The following CCP110 variants were observed in gnomAD, a reference collection of about 807,000 sequenced individuals.
CCP110 encodes centriolar coiled-coil protein 110.
In CCP110, 43 loss-of-function variants were observed where a neutral mutation model predicts 105.5. The observed-to-expected ratio is 0.41, with a 90% CI of 0.32 to 0.53. The LOEUF is 0.53. Among genes scored for constraint, CCP110 ranks in the 20% least tolerant of loss-of-function variants. The pLI is 0.32. For synonymous variants in CCP110, 353 were observed against 392.1 expected, an observed-to-expected ratio of 0.90 and a Z score of 1.18; for missense variants, 1,016 against 1,189.1, an observed-to-expected ratio of 0.85 and a Z score of 2.14.
Position 19,536,847 on chromosome 16 carries a change from C to G in CCP110, c.1178C>G (p.Pro393Arg). 1 of 1,614,020 alleles carries G rather than the reference C, an allele frequency of 6.2e-7. No individual in the cohort carries two copies. ...GCGTGTCATATACTTATAAATAACC[C>G]AATAAATGCCTGTGAATTAAGCCCT... is the stretch of plus-strand genomic sequence containing the variant. Residue 393 changes from proline (P) to arginine (R), a missense_variant, in exon 4 of 15, where the codon CCA (proline) becomes CGA (arginine). Pro to Arg is a moderately radical substitution (Grantham distance 103, BLOSUM62 -2). Coordinates refer to ENST00000381396, the Ensembl canonical transcript of CCP110.
At chr16:19,544,191 T>C (rs2151480200) in intron 8 of CCP110, among the ~76,000 whole-genome samples, 1 of 152,322 alleles carries the variant, frequency 6.6e-6, no homozygotes, top group African/African-American at 2.4e-5. Flanking sequence ...CTGACACTTA[T>C]GAAAAATAGA....
rs138258455 is a variant in CCP110, at chr16:19,536,541, A to G, written c.872A>G (p.Asp291Gly). 2.8e-3 allele frequency: 4,556 copies of G among 1,614,168 alleles called. 23 individuals are homozygous for G. The highest frequency in any genetic ancestry group is 2.6e-3 in the Non-Finnish European group (3,027 of 1,180,024). The change falls in exon 4 of 15, where the codon GAC becomes GGC. Residue 291 changes from aspartate to glycine, a missense_variant. Physicochemically the swap from Asp to Gly is moderately conservative, Grantham distance 94. Coordinates refer to ENST00000381396, the Ensembl canonical transcript of CCP110. ...AAACACTGTGTCTCAGTTATTCCTG[A>G]CAAACCAAGCCTTAATAAATCAAAT...
chr16:19,551,065 T>C (rs1008281139), intron 14 of CCP110, 131 bp from the exon 14 acceptor site: 2 of 653,820 alleles, frequency 3.1e-6, no homozygotes, highest in Non-Finnish European at 2.8e-6. Flanking sequence ...TCAGGATGAT[T>C]CATATAAGGA....
chr16:19,543,903 C>G (rs932479579), intron 8 of CCP110, among the ~76,000 whole-genome samples: 5 of 151,402 alleles, frequency 3.3e-5, no homozygotes, highest in Admixed American at 6.6e-5. Flanking sequence ...AATACGTGCA[C>G]AGCTGAACAT....
At chr16:19,536,830 T>C (rs179050) in exon 4 of CCP110, 145,785 of 1,614,030 alleles carry the variant, frequency 0.09, 7,342 homozygotes, top group African/African-American at 0.16. Flanking sequence ...CAGCGTGTCA[T>C]ATACTTATAA....
intron 3 of CCP110, among the ~76,000 whole-genome samples, chr16:19,535,180 AGT>A (rs2151468441): frequency 6.6e-6 from 1 of 152,260 alleles, no homozygotes; most frequent in South Asian, 2.1e-4. Context: ...ATGCCCCGCC[AGT>A]AGTCAGGCTT....
chr16:19,548,638 A>G lies in CCP110; in HGVS notation c.2986+38A>G. ...TAAATTCCTGAAGCCCATTCAATAG[A>G]AGGAAGTGCACAAGCTGCCCCATAA... On this transcript the variant is annotated intron_variant, in intron 14 of 14. Transcript: ENST00000381396. This position sits in a 1 kb window ranked among gnomAD's most constrained non-coding sequence, Gnocchi z 4.1. The G allele has an allele frequency of 7.9e-7, 1 of 1,271,228 alleles. No homozygotes were observed. The highest frequency in any genetic ancestry group is 1.1e-6 in the Non-Finnish European group (1 of 900,550). The allele number at this position is 1,271,228 out of a possible 1,614,324, so 78.7% of individuals were successfully genotyped here.
At chr16:19,545,373 G>C (rs866085635) in intron 10 of CCP110, among the ~76,000 whole-genome samples, 163 bp downstream of exon 10, 13 of 152,252 alleles carry the variant, frequency 8.5e-5, no homozygotes, top group African/African-American at 2.6e-4. Context: ...AGATTTAAAA[G>C]AATTACATCA....
chr16:19,546,552 C>A, intron 12 of CCP110, 78 bp downstream of exon 12: 1 of 807,524 alleles, frequency 1.2e-6, no homozygotes, highest in Non-Finnish European at 2.1e-6. Flanking sequence ...CACGGTGGCT[C>A]ACGCCTGTAA....
exon 2 of CCP110, chr16:19,527,977 T>C (rs553930520): frequency 6.2e-7 from 1 of 1,613,482 alleles, no homozygotes; most frequent in East Asian, 2.2e-5. Flanking sequence ...AGTCTGAAAG[T>C]ATCTCACTTA....
chr16:19,537,171 T>G (rs1355202652), exon 4 of CCP110: 2 of 1,614,208 alleles, frequency 1.2e-6, no homozygotes, highest in East Asian at 2.2e-5. Context: ...TGTGCTGCGA[T>G]GCCAAAGCTG....
Position 19,528,054 on chromosome 16 carries a change from T to C in CCP110, c.141+32T>C, listed in dbSNP as rs755092971. On this transcript the variant is annotated intron_variant, in intron 2 of 14. Transcript: ENST00000381396. The stretch of plus-strand genomic sequence containing the variant: ...TTGCTTTGTTTTTAAATAGTTTTTT[T>C]CTGTAGTGAACAACTAAAACAGTTC... 3.6e-5 allele frequency: 57 copies of C among 1,579,286 alleles called. No individual in the cohort carries two copies. In the East Asian group the frequency reaches 4.5e-4, roughly 13 times the overall value.
intron 1 of CCP110, chr16:19,527,145 A>C (rs922312503): frequency 6.6e-6 from 1 of 152,190 alleles, no homozygotes; most frequent in Admixed American, 6.5e-5. Context: ...CCAATTTTCA[A>C]CAATAAAATA....
chr16:19,549,504 T>G (rs1489649163), intron 14 of CCP110, among the ~76,000 whole-genome samples: 1 of 152,232 alleles, frequency 6.6e-6, no homozygotes, highest in African/African-American at 2.4e-5. Flanking sequence ...ATGTATGTAG[T>G]GAAGGTAATT....
chr16:19,551,262 A>G (rs1567369680), exon 15 of CCP110: 3 of 1,605,154 alleles, frequency 1.9e-6, no homozygotes, highest in Admixed American at 1.7e-5. Context: ...GACAACATTC[A>G]TTAGGATAAA....
In CCP110 at chr16:19,537,389, GA is replaced by G; in HGVS notation, c.1722del (p.Glu574AspfsTer17). 3.1e-6 allele frequency: 5 copies of G among 1,613,248 alleles called. No individual in the cohort carries two copies. Among genetic ancestry groups the G allele is most frequent in the Non-Finnish European group, 4.2e-6 (5 of 1,179,622 alleles). ...CACACCTATGGTGTCCTGTGGAAAT[GA>G]ACAATTTTTGGATAACAGTTTTGAG... On this transcript the variant is annotated frameshift_variant, in exon 4 of 15. Coordinates refer to ENST00000381396, the Ensembl canonical transcript of CCP110. LOFTEE classifies it high-confidence loss of function.
chr16:19,534,077 T>C (rs925559957), intron 3 of CCP110, among the ~76,000 whole-genome samples: 1 of 152,128 alleles, frequency 6.6e-6, no homozygotes, highest in Admixed American at 6.6e-5. Flanking sequence ...TCATGTGACA[T>C]AGTTGAGTTT....
intron 2 of CCP110, among the ~76,000 whole-genome samples, chr16:19,528,592 T>C (rs975822687): frequency 1.3e-5 from 2 of 152,130 alleles, no homozygotes; most frequent in African/African-American, 4.8e-5. Context: ...TATAGAGTCA[T>C]GATTAGAGGT....
chr16:19,538,613 A>G (rs142116888), intron 4 of CCP110, among the ~76,000 whole-genome samples: 90 of 152,012 alleles, frequency 5.9e-4, no homozygotes, highest in Non-Finnish European at 9.3e-4. Context: ...CCCAGCCCCA[A>G]ACAGTCTTGC....
Sources: gnomAD v4.1 joint callset for allele counts (sites outside exome capture counted in the v4.1 genomes callset) on GRCh38, gnomAD v4.1.1 for gene constraint, Gnocchi (gnomAD v3.1) non-coding constraint, MANE v1.5 for transcripts, NCBI Gene and HGNC (gene_info 2026-07-23, HGNC 2026-07-21) for gene names.